GRIK1: variants seen among roughly 807,000 people sequenced by gnomAD.
GRIK1 encodes the protein glutamate ionotropic receptor kainate type subunit 1.
Under a neutral mutation model 105.7 loss-of-function variants are expected in GRIK1, and 69 were observed. The ratio of observed to expected loss-of-function variants is 0.65; its 90% CI spans 0.54 to 0.80. The LOEUF is 0.80. Among genes scored for constraint, GRIK1 ranks in the 30% least tolerant of loss-of-function variants. The probability of loss-of-function intolerance (pLI) is 0.00; values close to 1 mark genes in which losing one functional copy is unlikely to be tolerated. For missense variants in GRIK1, 1,109 were observed against 1,167.3 expected (o/e 0.95, Z 0.73); for synonymous variants, 438 against 431.3 (o/e 1.02, Z -0.19).
chr21:29,926,531 A>C (rs535801094), intron 1 of GRIK1, among the ~76,000 whole-genome samples: 2 of 152,298 alleles, frequency 1.3e-5, no homozygotes, highest in Admixed American at 1.3e-4. Flanking sequence ...CTGGGGCCTT[A>C]GTATTCTCAG....
Position 29,903,236 on chromosome 21 carries a change from T to C in GRIK1, c.118+36147A>G, listed in dbSNP as rs574065705. On this transcript the variant is annotated intron_variant, in intron 1 of 17. Coordinates refer to ENST00000327783, the MANE Select transcript of GRIK1 (RefSeq NM_001330994.2). ...TATAAGCATGGGCAAAGACTTCATG[T>C]CTAAAACACCAAAAGTGATGGCAAC... 2.8e-4 allele frequency among the ~76,000 whole-genome samples: 43 copies of C among 152,210 alleles called. No homozygotes were observed. The South Asian group carries it at 8.5e-3, about 30-fold the overall frequency.
At chr21:29,718,094 T>C (rs1601523990) in intron 1 of GRIK1, among the ~76,000 whole-genome samples, 1 of 152,208 alleles carries the variant, frequency 6.6e-6, no homozygotes, top group South Asian at 2.1e-4. Context: ...CCTTCCACCA[T>C]AATTGTAAGT....
chr21:29,646,047 C>T (rs1289265817), intron 6 of GRIK1, among the ~76,000 whole-genome samples: 3 of 152,148 alleles, frequency 2.0e-5, no homozygotes, highest in Non-Finnish European at 4.4e-5. Context: ...CTTTTAACTC[C>T]TTGGAATATC....
At chr21:29,605,225 A>G (rs574341580) in intron 7 of GRIK1, among the ~76,000 whole-genome samples, 1 of 152,162 alleles carries the variant, frequency 6.6e-6, no homozygotes, top group African/African-American at 2.4e-5. Context: ...CCCTGTCCGC[A>G]TCTCTGACAG....
intron 1 of GRIK1, among the ~76,000 whole-genome samples, chr21:29,695,491 T>A (rs1334331034): frequency 2.6e-5 from 4 of 151,864 alleles, no homozygotes; most frequent in Non-Finnish European, 1.5e-5. Flanking sequence ...TATATATATT[T>A]TGAGATGGAG....
rs74481669 is a variant in GRIK1, at chr21:29,581,692, C to A, written c.1794-149G>T. On this transcript the variant is annotated intron_variant, in intron 12 of 17. Transcript: ENST00000327783. ...AGTAAAGGCCATAGTCATAAACTTACAGCTTTGGTGGGCAAAGTGCAAAGA... is the reference window on the plus strand; with the variant it reads ...AGTAAAGGCCATAGTCATAAACTTAAAGCTTTGGTGGGCAAAGTGCAAAGA... 1,331 of 575,360 alleles carry A rather than the reference C, an allele frequency of 2.3e-3. 19 individuals are homozygous for A. Among genetic ancestry groups the A allele is most frequent in the African/African-American group, 0.023 (1,212 of 53,120 alleles). The allele number at this position is 575,360 out of a possible 1,614,324, so 35.6% of individuals were successfully genotyped here.
chr21:29,662,439 G>T (rs1365391666), intron 4 of GRIK1, among the ~76,000 whole-genome samples: 1 of 152,154 alleles, frequency 6.6e-6, no homozygotes, highest in Non-Finnish European at 1.5e-5. Context: ...ATGTAAGAGA[G>T]AATACGGAGG....
At chr21:29,699,308 G>A (rs1018020828) in intron 1 of GRIK1, among the ~76,000 whole-genome samples, 1 of 152,172 alleles carries the variant, frequency 6.6e-6, no homozygotes, top group Non-Finnish European at 1.5e-5. Flanking sequence ...CTTTAAAACA[G>A]TGACTAGGTT....
At chr21:29,641,644 G>C (rs73197516) in intron 7 of GRIK1, among the ~76,000 whole-genome samples, 1 of 152,132 alleles carries the variant, frequency 6.6e-6, no homozygotes, top group African/African-American at 2.4e-5. Flanking sequence ...AAATTTAAGC[G>C]AGAATTTCCT....
At chr21:29,807,783 AATTTTT>A (rs2066905689) in intron 1 of GRIK1, among the ~76,000 whole-genome samples, 1 of 152,028 alleles carries the variant, frequency 6.6e-6, no homozygotes, top group Admixed American at 6.6e-5. Flanking sequence ...ATGAGTTTGT[AATTTTT>A]ATTAATTTTC....
intron 1 of GRIK1, among the ~76,000 whole-genome samples, chr21:29,786,274 A>G (rs772015475): frequency 7.2e-5 from 11 of 152,344 alleles, no homozygotes; most frequent in African/African-American, 2.6e-4. Context: ...CGCGTGAGCC[A>G]CAGCGCCCAG....
chr21:29,872,629 G>T (rs1474828061), intron 1 of GRIK1, among the ~76,000 whole-genome samples: 1 of 152,138 alleles, frequency 6.6e-6, no homozygotes, highest in African/African-American at 2.4e-5. Context: ...GAAAAAAGAG[G>T]TTTGATGGAC....
chr21:29,723,152 C>CA (rs996861222), intron 1 of GRIK1, among the ~76,000 whole-genome samples: 3 of 151,774 alleles, frequency 2.0e-5, no homozygotes, highest in South Asian at 2.1e-4. Flanking sequence ...CTGTTTCTAC[C>CA]AAAAAAAATT....
intron 1 of GRIK1, among the ~76,000 whole-genome samples, chr21:29,923,049 A>C (rs1286880200): frequency 6.6e-6 from 1 of 152,106 alleles, no homozygotes; most frequent in African/African-American, 2.4e-5. Context: ...GTTTATGTGT[A>C]TGTGTATGTG....
intron 9 of GRIK1, among the ~76,000 whole-genome samples, chr21:29,595,340 G>GTTTTT (rs71191119): frequency 1.5e-4 from 20 of 136,976 alleles, no homozygotes; most frequent in African/African-American, 3.8e-4. Context: ...AGTGTAATAG[G>GTTTTT]TTTTTTTTTT....
At chr21:29,902,438 C>A (rs1160158424) in intron 1 of GRIK1, among the ~76,000 whole-genome samples, 1 of 152,188 alleles carries the variant, frequency 6.6e-6, no homozygotes, top group African/African-American at 2.4e-5. Flanking sequence ...TGATGAGCAA[C>A]TTTGGCAAAG....
chr21:29,541,595 T>G, intron 16 of GRIK1, among the ~76,000 whole-genome samples: 1 of 116,126 alleles, frequency 8.6e-6, no homozygotes, highest in Non-Finnish European at 2.0e-5. Context: ...TTTTTTTTTT[T>G]TGTGGGAGAG....
rs570520176 is a variant in GRIK1, at chr21:29,927,748, G to A, written c.118+11635C>T. On this transcript the variant is annotated intron_variant, in intron 1 of 17. Coordinates refer to ENST00000327783, the MANE Select transcript of GRIK1 (RefSeq NM_001330994.2). ...TAGCCAGGCGTGGTGGCATGTGCCT[G>A]TAGTCCCAGCTACTTAGGATGCTGA... Among the ~76,000 whole-genome samples the A allele has an allele frequency of 2.0e-5, 3 of 152,106 alleles. No individual in the cohort carries two copies. The South Asian group carries it at 6.2e-4, about 32-fold the overall frequency.
intron 1 of GRIK1, among the ~76,000 whole-genome samples, chr21:29,818,231 A>G (rs1016883299): frequency 6.6e-6 from 1 of 152,136 alleles, no homozygotes. Context: ...AAAGTAAATA[A>G]TAAATGTTGA....
Sources: allele counts gnomAD v4.1 joint callset (sites outside exome capture counted in the v4.1 genomes callset), GRCh38; gene constraint gnomAD v4.1.1; transcripts MANE v1.5; gene names NCBI Gene and HGNC (gene_info 2026-07-23, HGNC 2026-07-21).